GRID2: variants seen among roughly 807,000 people sequenced by gnomAD.
GRID2 encodes glutamate receptor ionotropic, delta-2.
Under a neutral mutation model 114.8 loss-of-function variants are expected in GRID2, and 33 were observed. The observed-to-expected ratio is 0.29, with a 90% CI of 0.22 to 0.38. GRID2 has a LOEUF of 0.38. Ranked by LOEUF, GRID2 falls within the 10% of genes least tolerant of loss-of-function variation. The pLI is 1.00. For synonymous variants in GRID2, 505 were observed against 449.9 expected (o/e 1.12, Z -1.55); for missense variants, 1,184 against 1,257.7 (o/e 0.94, Z 0.89).
rs73837736 is a variant in GRID2 at position 93,254,167 on chromosome 4, G to T, written c.1245+15677G>T. Among the ~76,000 whole-genome samples the T allele has an allele frequency of 6.4e-3, 972 of 152,050 alleles. 9 individuals carry two copies. Among genetic ancestry groups the T allele is most frequent in the African/African-American group, 0.022 (930 of 41,518 alleles). On this transcript the variant is annotated intron_variant, in intron 8 of 15. Transcript: ENST00000282020. ...CATAGTAATTCAGGTGCAAAAAATG[G>T]CTTTTACTTACTGGTAGTGAATTTT...
chr4:93,732,092 A>G (rs1268189910), intron 14 of GRID2, among the ~76,000 whole-genome samples: 1 of 152,218 alleles, frequency 6.6e-6, no homozygotes, highest in Non-Finnish European at 1.5e-5. Context: ...CTAAAGAGGC[A>G]AAAACATAAA....
chr4:93,629,066 G>A (rs1391817983), intron 14 of GRID2, among the ~76,000 whole-genome samples: 5 of 151,910 alleles, frequency 3.3e-5, no homozygotes, highest in African/African-American at 1.2e-4. Flanking sequence ...CGCGCCCAGC[G>A]ATTTTCTGGA....
At chr4:93,029,835 A>G (rs1724227270) in intron 2 of GRID2, among the ~76,000 whole-genome samples, 1 of 152,220 alleles carries the variant, frequency 6.6e-6, no homozygotes, top group Non-Finnish European at 1.5e-5. Context: ...GTCTCTCAAA[A>G]GAAAATGTTT....
At chr4:93,607,929 C>A (rs1444014654) in intron 13 of GRID2, among the ~76,000 whole-genome samples, 2 of 151,776 alleles carry the variant, frequency 1.3e-5, no homozygotes, top group African/African-American at 4.8e-5. Context: ...CTGTTTGTCC[C>A]CCATGTTCCA....
At chr4:93,429,766 A>G (rs190958804) in intron 10 of GRID2, among the ~76,000 whole-genome samples, 38 of 152,326 alleles carry the variant, frequency 2.5e-4, no homozygotes, top group Non-Finnish European at 1.5e-5. Flanking sequence ...AAGTATTAAT[A>G]GTGATGTTTC....
chr4:92,808,797 T>C (rs1404184787), intron 2 of GRID2, among the ~76,000 whole-genome samples: 1 of 151,898 alleles, frequency 6.6e-6, no homozygotes, highest in Non-Finnish European at 1.5e-5. Context: ...AATTTTTTTT[T>C]TTTTTACTAT....
At chr4:93,694,128 G>A (rs557973919) in intron 14 of GRID2, among the ~76,000 whole-genome samples, 12 of 152,236 alleles carry the variant, frequency 7.9e-5, no homozygotes, top group African/African-American at 2.9e-4. Flanking sequence ...TAAGACGTGT[G>A]GTTTGAACTC....
intron 8 of GRID2, among the ~76,000 whole-genome samples, chr4:93,395,085 A>G (rs1765203531): frequency 6.6e-6 from 1 of 152,032 alleles, no homozygotes; most frequent in Non-Finnish European, 1.5e-5. Context: ...GGCAAATTAT[A>G]TTGTTTTATG....
At chr4:92,592,350 A>T (rs1728745868) in intron 2 of GRID2, among the ~76,000 whole-genome samples, 1 of 152,156 alleles carries the variant, frequency 6.6e-6, no homozygotes, top group Non-Finnish European at 1.5e-5. Flanking sequence ...AGTAAGAAAA[A>T]AAATGAAATG....
chr4:93,005,115 A>T (rs1169648082), intron 2 of GRID2, among the ~76,000 whole-genome samples: 1 of 152,024 alleles, frequency 6.6e-6, no homozygotes, highest in East Asian at 1.9e-4. Flanking sequence ...CACCCATCTC[A>T]TGGGGATGTC....
At chr4:92,909,923 G>C (rs1478918421) in intron 2 of GRID2, among the ~76,000 whole-genome samples, 2 of 152,078 alleles carry the variant, frequency 1.3e-5, no homozygotes, top group South Asian at 4.1e-4. Flanking sequence ...AAACACAGAA[G>C]ACTTAGACAC....
intron 9 of GRID2, among the ~76,000 whole-genome samples, chr4:93,403,618 TGAA>T (rs1371460810): frequency 4.6e-5 from 7 of 152,018 alleles, no homozygotes; most frequent in Non-Finnish European, 1.0e-4. Flanking sequence ...AGTAAGCAAA[TGAA>T]GAGATGCTCA....
chr4:92,622,529 A>G (rs191317688), intron 2 of GRID2, among the ~76,000 whole-genome samples: 327 of 151,944 alleles, frequency 2.2e-3, no homozygotes, highest in African/African-American at 7.6e-3. Context: ...CATTTTTGGA[A>G]TAATACTATT....
At chr4:92,840,461 A>C (rs1286312338) in intron 2 of GRID2, among the ~76,000 whole-genome samples, 1 of 151,636 alleles carries the variant, frequency 6.6e-6, no homozygotes, top group African/African-American at 2.4e-5. Context: ...GATATGATTT[A>C]GTGTCTTTTT....
At chr4:92,549,194 T>C (rs1726448615) in intron 1 of GRID2, among the ~76,000 whole-genome samples, 1 of 151,572 alleles carries the variant, frequency 6.6e-6, no homozygotes, top group Non-Finnish European at 1.5e-5. Context: ...AAATGCCACA[T>C]TGATTTTGCA....
At chr4:93,216,616 G>A in intron 5 of GRID2, 122 bp from the exon 6 acceptor site, 1 of 659,550 alleles carries the variant, frequency 1.5e-6, no homozygotes, top group South Asian at 2.1e-5. Flanking sequence ...TATGCACTAA[G>A]CATTAAAACC....
At chr4:93,622,515 CT>C (rs1742302653) in intron 13 of GRID2, among the ~76,000 whole-genome samples, 1 of 152,128 alleles carries the variant, frequency 6.6e-6, no homozygotes, top group Non-Finnish European at 1.5e-5. Context: ...CAAAAATCCC[CT>C]AGTAATTCTA....
At chr4:92,892,187 C>T (rs1296645772) in intron 2 of GRID2, among the ~76,000 whole-genome samples, 4 of 152,006 alleles carry the variant, frequency 2.6e-5, no homozygotes, top group Admixed American at 1.3e-4. Flanking sequence ...CCTAAGCCTC[C>T]CTAGTAGCTG....
At chr4:93,603,976 A>G (rs765797446) in intron 13 of GRID2, among the ~76,000 whole-genome samples, 10 of 152,342 alleles carry the variant, frequency 6.6e-5, no homozygotes, top group East Asian at 5.8e-4. Context: ...AAGGAGATCA[A>G]TGTTTTCATG....
Sources: allele counts gnomAD v4.1 joint callset (sites outside exome capture counted in the v4.1 genomes callset), GRCh38; gene constraint gnomAD v4.1.1; transcripts MANE v1.5; gene names NCBI Gene and HGNC (gene_info 2026-07-23, HGNC 2026-07-21).